The following RPS6KB1 variants were observed in gnomAD, a reference collection of about 807,000 sequenced individuals.
The protein encoded by RPS6KB1 is ribosomal protein S6 kinase B1.
In RPS6KB1, 12 loss-of-function variants were observed where a neutral mutation model predicts 70.2. The observed-to-expected ratio is 0.17, with a 90% CI of 0.11 to 0.28. The LOEUF (loss-of-function observed/expected upper bound fraction) is 0.28, where lower values mean the gene tolerates loss of function less well. Ranked by LOEUF, RPS6KB1 falls within the 10% of genes least tolerant of loss-of-function variation. RPS6KB1 has a pLI of 1.00. For synonymous variants in RPS6KB1, 175 were observed against 211.2 expected, an observed-to-expected ratio of 0.83 and a Z score of 1.49; for missense variants, 270 against 646.6, an observed-to-expected ratio of 0.42 and a Z score of 6.32.
intron 6 of RPS6KB1, 115 bp downstream of exon 6, chr17:59,930,289 G>A: frequency 1.3e-6 from 1 of 750,582 alleles, no homozygotes; most frequent in Non-Finnish European, 2.4e-6. Flanking sequence ...ACTCACTCAG[G>A]ACCTCAAGGG....
chr17:59,901,604 G>A (rs1489099876), intron 1 of RPS6KB1, among the ~76,000 whole-genome samples: 1 of 128,474 alleles, frequency 7.8e-6, no homozygotes, highest in African/African-American at 3.1e-5. Flanking sequence ...AGCCTGGGCA[G>A]CATAACAGCA....
rs540477997 is a variant in RPS6KB1, at chr17:59,910,629, G to A, written c.191+18G>A. ...TATGAACTGTAAGTTTATATGAAGA[G>A]ATTTTCATTGTGTTGTCTTTCTTAC... On this transcript the variant is annotated intron_variant, in intron 2 of 14. Coordinates refer to ENST00000225577, the MANE Select transcript of RPS6KB1 (RefSeq NM_003161.4). 2.0e-6 allele frequency: 3 copies of A among 1,517,156 alleles called. No individual in the cohort carries two copies. Among genetic ancestry groups the A allele is most frequent in the African/African-American group, 1.4e-5 (1 of 72,462 alleles). The allele number at this position is 1,517,156 out of a possible 1,614,324, so 94.0% of individuals were successfully genotyped here.
chr17:59,931,147 A>C (rs186847562), intron 6 of RPS6KB1: 2 of 161,288 alleles, frequency 1.2e-5, no homozygotes, highest in Non-Finnish European at 2.7e-5. Flanking sequence ...ATAAATATGT[A>C]GCTGTATTAA....
At chr17:59,908,269 T>C (rs2042385017) in intron 1 of RPS6KB1, among the ~76,000 whole-genome samples, 1 of 151,806 alleles carries the variant, frequency 6.6e-6, no homozygotes, top group Admixed American at 6.6e-5. Context: ...CTCGGCTCAC[T>C]GCAACCTTTG....
At chr17:59,935,139 ATGCTAATATTTTTCTCTCCC>A (rs1342015019) in intron 9 of RPS6KB1, 34 bp from the exon 10 acceptor site, 2 of 1,074,726 alleles carry the variant, frequency 1.9e-6, no homozygotes, top group African/African-American at 1.6e-5. Context: ...TGTTTCTTAT[ATGCTAATATTTTTCTCTCCC>A]TGCTAATATT....
In RPS6KB1 at chr17:59,935,273, A is replaced by C; in HGVS notation, c.951A>C (p.Thr317=). The change falls in exon 10 of 15, where the codon ACA becomes ACC. Residue 317 remains threonine (T), a synonymous_variant. Coordinates refer to ENST00000225577, the MANE Select transcript of RPS6KB1 (RefSeq NM_003161.4). ...KCKLNLPPYL[T]QEARDLLKKL... ...AACTCAATTTGCCTCCCTACCTCAC[A>C]CAAGAAGCCAGAGATCTGCTTAAAA... The C allele has an allele frequency of 6.2e-7, 1 of 1,609,476 alleles. No homozygotes were observed. The highest frequency in any genetic ancestry group is 8.5e-7 in the Non-Finnish European group (1 of 1,176,136).
intron 6 of RPS6KB1, 98 bp from the exon 7 acceptor site, chr17:59,931,524 G>A: frequency 1.1e-6 from 1 of 896,862 alleles, no homozygotes. Flanking sequence ...TTGGTCTTTG[G>A]TGCATGTCTG....
intron 7 of RPS6KB1, among the ~76,000 whole-genome samples, chr17:59,932,793 T>A (rs1422957178): frequency 1.3e-5 from 2 of 152,166 alleles, no homozygotes; most frequent in Non-Finnish European, 2.9e-5. Flanking sequence ...GCTCAATTGA[T>A]CTGCCTGCCT....
At chr17:59,921,769 A>ATAC (rs143285010) in intron 4 of RPS6KB1, among the ~76,000 whole-genome samples, 5,714 of 152,290 alleles carry the variant, frequency 0.038, 383 homozygotes, top group African/African-American at 0.13. Context: ...GCAAAATACT[A>ATAC]TTGCCTACGG....
At position 59,893,724 on chromosome 17, in the gene RPS6KB1, T is replaced by C; in HGVS notation, c.141+399T>C. Reference sequence around the variant, plus strand: ...AGTGTGGAGGGTTTCCCTTCGAGTCTAGAATTTCAAGTATTGAATCTTCAG... The same window carrying C: ...AGTGTGGAGGGTTTCCCTTCGAGTCCAGAATTTCAAGTATTGAATCTTCAG... On this transcript the variant is annotated intron_variant, in intron 1 of 14. Transcript: ENST00000225577. The surrounding 1 kb of genome is among the most constrained non-coding windows in gnomAD (Gnocchi z 4.1). 1.0e-6 allele frequency: 1 copy of C among 973,898 alleles called. No individual in the cohort carries two copies. Among genetic ancestry groups the C allele is most frequent in the African/African-American group, 1.8e-5 (1 of 57,078 alleles). 60.3% of individuals were successfully genotyped at this position (973,898 alleles called of 1,614,324 possible).
In RPS6KB1 at chr17:59,914,673, G is replaced by A. The variant is rs56010534; in HGVS notation, c.351G>A (p.Gly117=). ...QVRKVTGANT[G]KIFAMKVLKK... ...GAAAAGTAACAGGAGCAAATACTGG[G>A]AAAATATTTGCCATGAAGGTGCTTA... Residue 117 remains glycine, a synonymous_variant, in exon 4 of 15, where the codon GGG becomes GGA. Transcript: ENST00000225577. The A allele has an allele frequency of 1.8e-3, 2,822 of 1,612,528 alleles. 8 individuals carry two copies. The highest frequency in any genetic ancestry group is 2.2e-3 in the Middle Eastern group (13 of 5,962).
chr17:59,914,693 T>C lies in RPS6KB1; in HGVS notation c.371T>C (p.Val124Ala). ...ANTGKIFAMK[V>A]LKKAMIVRNA... ...ACTGGGAAAATATTTGCCATGAAGG[T>C]GCTTAAAAAGGTGATTTCCACTCCC... Residue 124 changes from valine (V) to alanine (A), a missense_variant, in exon 4 of 15, where the codon GTG becomes GCG. By Grantham distance (64) the Val-to-Ala change is moderately conservative. Around this residue, in one of 4 missense-constraint regions of RPS6KB1, gnomAD observed 44 missense variants for 102.5 expected, o/e 0.43. Coordinates refer to ENST00000225577, the MANE Select transcript of RPS6KB1 (RefSeq NM_003161.4). 1 of 1,610,838 alleles carries C rather than the reference T, an allele frequency of 6.2e-7. No individual in the cohort carries two copies. Among genetic ancestry groups the C allele is most frequent in the Non-Finnish European group, 8.5e-7 (1 of 1,178,588 alleles).
chr17:59,894,841 A>G (rs2041433883), intron 1 of RPS6KB1, among the ~76,000 whole-genome samples: 2 of 152,162 alleles, frequency 1.3e-5, no homozygotes, highest in Middle Eastern at 3.4e-3. Context: ...CTGACCTCAA[A>G]TGATCCACCA....
At chr17:59,917,834 C>G (rs1273739526) in intron 4 of RPS6KB1, among the ~76,000 whole-genome samples, 1 of 152,168 alleles carries the variant, frequency 6.6e-6, no homozygotes, top group Non-Finnish European at 1.5e-5. Flanking sequence ...GTTTTCTCTT[C>G]TTGGAATTGC....
At chr17:59,916,705 A>G (rs1345446498) in intron 4 of RPS6KB1, among the ~76,000 whole-genome samples, 2 of 152,172 alleles carry the variant, frequency 1.3e-5, no homozygotes, top group Non-Finnish European at 2.9e-5. Context: ...CAACCCTGGA[A>G]TCCTCTTGGC....
At chr17:59,939,015 T>C (rs1598818290) in intron 12 of RPS6KB1, among the ~76,000 whole-genome samples, 1 of 152,348 alleles carries the variant, frequency 6.6e-6, no homozygotes, top group Admixed American at 6.5e-5. Flanking sequence ...CTGTTATTTC[T>C]TCTTTCTTTG....
chr17:59,896,017 A>G (rs934695330), intron 1 of RPS6KB1, among the ~76,000 whole-genome samples: 2 of 152,186 alleles, frequency 1.3e-5, no homozygotes, highest in East Asian at 3.8e-4. Context: ...TTACAATTGG[A>G]AACAAATATG....
At chr17:59,936,658 C>T in intron 12 of RPS6KB1, 117 bp downstream of exon 12, 1 of 805,064 alleles carries the variant, frequency 1.2e-6, no homozygotes, top group Non-Finnish European at 2.1e-6. Context: ...CCAGCATGGG[C>T]AACATAACAA....
chr17:59,932,849 C>T (rs985682674), intron 7 of RPS6KB1, among the ~76,000 whole-genome samples: 1 of 152,082 alleles, frequency 6.6e-6, no homozygotes, highest in African/African-American at 2.4e-5. Context: ...CACCTTCCCC[C>T]CAGCCAGAAT....
Sources: allele counts gnomAD v4.1 joint callset (sites outside exome capture counted in the v4.1 genomes callset), GRCh38; gene constraint gnomAD v4.1.1; regional missense constraint gnomAD v4.1.1; non-coding constraint Gnocchi (gnomAD v3.1); transcripts MANE v1.5; gene names NCBI Gene and HGNC (gene_info 2026-07-23, HGNC 2026-07-21).